ZNF277: variants seen among roughly 807,000 people sequenced by gnomAD.
The protein encoded by ZNF277 is zinc finger protein 277.
Under a neutral mutation model 60.7 loss-of-function variants are expected in ZNF277, and 55 were observed. That is an observed-to-expected ratio of 0.91 (90% CI 0.73 to 1.13). The LOEUF is 1.13. ZNF277 is among the 50% of genes most tolerant of loss of function. The pLI is 0.00. For synonymous variants in ZNF277, 178 were observed against 179.3 expected, an observed-to-expected ratio of 0.99 and a Z score of 0.06; for missense variants, 510 against 523.0, an observed-to-expected ratio of 0.98 and a Z score of 0.24.
Position 112,327,699 on chromosome 7 carries a change from G to T in ZNF277, c.558-18G>T, listed in dbSNP as rs1793130666. ...AGATGATTTGTGAATAATCCTAATT[G>T]CTCAAATTTCTTCCTAGATCTGTTA... On this transcript the variant is annotated intron_variant, in intron 5 of 11. Transcript: ENST00000361822. 4 of 1,587,494 alleles carry T rather than the reference G, an allele frequency of 2.5e-6. No homozygotes were observed. The highest frequency in any genetic ancestry group is 3.4e-6 in the Non-Finnish European group (4 of 1,159,728).
chr7:112,338,942 C>T (rs547083242), intron 9 of ZNF277, among the ~76,000 whole-genome samples: 13 of 152,304 alleles, frequency 8.5e-5, no homozygotes, highest in African/African-American at 2.9e-4. Flanking sequence ...TGGTCTTTAT[C>T]ATCTGTGAGA....
chr7:112,246,238 A>T (rs935172900), intron 1 of ZNF277, among the ~76,000 whole-genome samples: 1 of 152,106 alleles, frequency 6.6e-6, no homozygotes, highest in East Asian at 1.9e-4. Flanking sequence ...ACAAAAAAAA[A>T]TTAGCCAGGC....
At chr7:112,335,687 A>C (rs1395043363) in intron 7 of ZNF277, among the ~76,000 whole-genome samples, 1 of 152,142 alleles carries the variant, frequency 6.6e-6, no homozygotes. Context: ...TTTCTAATTC[A>C]ACTCAAAAAA....
At chr7:112,278,708 T>G (rs1791874103) in intron 1 of ZNF277, among the ~76,000 whole-genome samples, 1 of 152,172 alleles carries the variant, frequency 6.6e-6, no homozygotes. Context: ...CCTCCAGCCT[T>G]GACTTTTCTC....
At chr7:112,239,420 G>T (rs1003074727) in intron 1 of ZNF277, among the ~76,000 whole-genome samples, 12 of 152,102 alleles carry the variant, frequency 7.9e-5, no homozygotes, top group African/African-American at 2.2e-4. Flanking sequence ...CAGGCCTCTG[G>T]TGAGACCCAG....
At chr7:112,316,370 G>T (rs1792844338) in intron 4 of ZNF277, among the ~76,000 whole-genome samples, 1 of 152,022 alleles carries the variant, frequency 6.6e-6, no homozygotes, top group South Asian at 2.1e-4. Context: ...CTTTTGAGAA[G>T]TGTCTGTTTA....
rs746811078 is a variant in ZNF277 at position 112,342,632 on chromosome 7, C to G, written c.1256C>G (p.Ala419Gly). Residue 419 changes from alanine to glycine, a missense_variant, in exon 12 of 12, where the codon GCT (alanine) becomes GGT (glycine). Coordinates refer to ENST00000361822, the MANE Select transcript of ZNF277 (RefSeq NM_021994.3). ...TCTGACAGTGAAAGTGACCTGACAG[C>G]TCAGGAACAAAATGAAAATGTTCCC... ...TLSDSESDLT[A>G]QEQNENVPII... The G allele has an allele frequency of 3.7e-5, 60 of 1,612,928 alleles. No individual in the cohort carries two copies. The highest frequency in any genetic ancestry group is 1.7e-4 in the Middle Eastern group (1 of 6,058).
chr7:112,208,105 G>T (rs964066072), intron 1 of ZNF277, among the ~76,000 whole-genome samples: 3 of 152,176 alleles, frequency 2.0e-5, no homozygotes, highest in Admixed American at 6.5e-5. Context: ...GGCCGGGCAC[G>T]GTGGCTCACC....
In ZNF277 at chr7:112,226,811, C is replaced by T. The variant is rs539857824; in HGVS notation, c.91+20004C>T. On this transcript the variant is annotated intron_variant, in intron 1 of 11. Transcript: ENST00000361822. ...TTATTAATTAAATGATAAATCTAGG[C>T]ATCTCTTTGATGTAAAATCCAAAAC... is the stretch of plus-strand genomic sequence containing the variant. Among the ~76,000 whole-genome samples the T allele has an allele frequency of 1.2e-3, 188 of 152,188 alleles. 1 individual carries two copies. Among genetic ancestry groups the T allele is most frequent in the Admixed American group, 2.2e-3 (33 of 15,292 alleles).
At chr7:112,268,252 A>G (rs755170113) in intron 1 of ZNF277, among the ~76,000 whole-genome samples, 1 of 151,104 alleles carries the variant, frequency 6.6e-6, no homozygotes, top group African/African-American at 2.5e-5. Flanking sequence ...CTGCATGCAC[A>G]CACACGCACA....
chr7:112,258,276 T>G (rs1422777397), intron 1 of ZNF277, among the ~76,000 whole-genome samples: 3 of 152,238 alleles, frequency 2.0e-5, no homozygotes, highest in Admixed American at 6.5e-5. Flanking sequence ...GAAGCCTTTT[T>G]TTTTGCTTTC....
intron 1 of ZNF277, among the ~76,000 whole-genome samples, chr7:112,267,381 A>G (rs1791571556): frequency 6.6e-6 from 1 of 152,180 alleles, no homozygotes; most frequent in South Asian, 2.1e-4. Context: ...TGCTGATCTC[A>G]TCTTTATCAG....
At chr7:112,296,380 G>T (rs1417014885) in intron 4 of ZNF277, 69 bp downstream of exon 4, 44 of 547,510 alleles carry the variant, frequency 8.0e-5, no homozygotes, top group Middle Eastern at 5.4e-4. Flanking sequence ...AATCATATTG[G>T]TTTTTTTTTT....
intron 1 of ZNF277, among the ~76,000 whole-genome samples, chr7:112,273,962 G>A (rs1240661956): frequency 6.6e-6 from 1 of 151,638 alleles, no homozygotes; most frequent in Non-Finnish European, 1.5e-5. Flanking sequence ...TCATATACTA[G>A]AACTAAAAGA....
intron 1 of ZNF277, among the ~76,000 whole-genome samples, chr7:112,237,703 A>G (rs1216855021): frequency 2.6e-5 from 4 of 152,178 alleles, no homozygotes; most frequent in Admixed American, 1.3e-4. Flanking sequence ...CAACAAAAAA[A>G]GCCCAGGACC....
intron 1 of ZNF277, among the ~76,000 whole-genome samples, chr7:112,243,861 G>A (rs10226613): frequency 0.043 from 6,588 of 152,042 alleles, 341 homozygotes; most frequent in African/African-American, 0.13. Context: ...TATGTTTATC[G>A]CAATGCTATT....
At position 112,285,768 on chromosome 7, in the gene ZNF277, C is replaced by G. The variant is rs187433388; in HGVS notation, c.92-1105C>G. ...GCCATGGTCACCAGTGTACCAGTGA[C>G]TGATTCAATTAATTCATAAATTAAG... On this transcript the variant is annotated intron_variant, in intron 1 of 11. Transcript: ENST00000361822. Among the ~76,000 whole-genome samples the G allele has an allele frequency of 2.0e-5, 3 of 152,036 alleles. No individual in the cohort carries two copies. The East Asian group carries it at 5.8e-4, about 29-fold the overall frequency.
chr7:112,276,449 C>G (rs1791795528), intron 1 of ZNF277, among the ~76,000 whole-genome samples: 1 of 152,116 alleles, frequency 6.6e-6, no homozygotes, highest in Non-Finnish European at 1.5e-5. Context: ...ACAGAGTTTT[C>G]TTTATAGAAT....
chr7:112,281,097 A>G (rs1791934197), intron 1 of ZNF277, among the ~76,000 whole-genome samples: 1 of 152,320 alleles, frequency 6.6e-6, no homozygotes, highest in Admixed American at 6.5e-5. Context: ...CCGCAAGGCC[A>G]TGTCACCTAA....
Sources: allele counts gnomAD v4.1 joint callset (sites outside exome capture counted in the v4.1 genomes callset), GRCh38; gene constraint gnomAD v4.1.1; transcripts MANE v1.5; gene names NCBI Gene and HGNC (gene_info 2026-07-23, HGNC 2026-07-21).